Variants in COG5 observed in about 807,000 individuals in gnomAD.
The protein encoded by COG5 is conserved oligomeric Golgi complex subunit 5.
COG5 carries 86 observed loss-of-function variants against 110.4 expected under a neutral mutation model. The ratio of observed to expected loss-of-function variants is 0.78; its 90% CI spans 0.65 to 0.93. COG5 has a LOEUF of 0.93. Ranked by LOEUF, COG5 falls within the 40% of genes least tolerant of loss-of-function variation. The pLI, the probability that COG5 is intolerant of heterozygous loss-of-function variation, is 0.00. For missense variants in COG5, 1,077 were observed against 987.0 expected (o/e 1.09, Z -1.22); for synonymous variants, 360 against 334.6 (o/e 1.08, Z -0.83).
intron 7 of COG5, among the ~76,000 whole-genome samples, chr7:107,382,799 G>A (rs1214284273): frequency 5.3e-5 from 8 of 152,126 alleles, no homozygotes; most frequent in Non-Finnish European, 7.3e-5. Context: ...ATGAGGACTG[G>A]AGACAGAGAA....
At chr7:107,260,956 TG>T (rs1717903670) in intron 14 of COG5, among the ~76,000 whole-genome samples, 2 of 151,168 alleles carry the variant, frequency 1.3e-5, no homozygotes, top group African/African-American at 4.9e-5. Flanking sequence ...TTTGTTTGTT[TG>T]TTTTTGTTTT....
chr7:107,545,601 G>T (rs1447187054), intron 5 of COG5, among the ~76,000 whole-genome samples: 1 of 151,952 alleles, frequency 6.6e-6, no homozygotes, highest in East Asian at 1.9e-4. Context: ...CCAAGAAGGC[G>T]AAATGCCATC....
At chr7:107,531,643 G>A (rs1324535019) in intron 5 of COG5, among the ~76,000 whole-genome samples, 3 of 149,440 alleles carry the variant, frequency 2.0e-5, no homozygotes, top group African/African-American at 4.9e-5. Context: ...GTGAGGGCGG[G>A]GGGGAGGTGG....
At chr7:107,530,601 C>CAAA (rs953588412) in intron 5 of COG5, among the ~76,000 whole-genome samples, 1,260 of 46,934 alleles carry the variant, frequency 0.027, 87 homozygotes, top group African/African-American at 0.073. Flanking sequence ...AACTCCATCT[C>CAAA]AAAAAAAAAA....
intron 12 of COG5, among the ~76,000 whole-genome samples, chr7:107,292,568 C>G (rs6964798): frequency 0.16 from 24,433 of 152,164 alleles, 2,351 homozygotes; most frequent in Non-Finnish European, 0.22. Flanking sequence ...CAAGAGTTTT[C>G]CTTAGGCCTT....
At chr7:107,301,343 A>G (rs536649217) in intron 11 of COG5, among the ~76,000 whole-genome samples, 29 of 152,288 alleles carry the variant, frequency 1.9e-4, no homozygotes, top group Non-Finnish European at 3.8e-4. Flanking sequence ...GGGAAAATCA[A>G]TTTCACATAT....
intron 6 of COG5, among the ~76,000 whole-genome samples, chr7:107,448,738 G>A (rs1225619218): frequency 1.3e-5 from 2 of 152,132 alleles, no homozygotes; most frequent in Admixed American, 6.5e-5. Context: ...GAAATGTGCA[G>A]GTCCACATAT....
At chr7:107,355,351 T>G (rs901443776) in intron 10 of COG5, among the ~76,000 whole-genome samples, 7 of 152,130 alleles carry the variant, frequency 4.6e-5, no homozygotes. Flanking sequence ...CAAAAACAGT[T>G]TGGCAGTTTC....
At chr7:107,414,560 T>A (rs576143232) in intron 6 of COG5, among the ~76,000 whole-genome samples, 92 of 152,192 alleles carry the variant, frequency 6.0e-4, no homozygotes, top group African/African-American at 2.1e-3. Context: ...ATAGTACACA[T>A]GGCTACCGGA....
intron 18 of COG5, among the ~76,000 whole-genome samples, chr7:107,231,665 C>T (rs1040269142): frequency 6.6e-6 from 1 of 152,130 alleles, no homozygotes; most frequent in Admixed American, 6.6e-5. Context: ...CTGCTGGCCA[C>T]CCTTACAAAA....
At chr7:107,438,519 G>A (rs10245210) in intron 6 of COG5, among the ~76,000 whole-genome samples, 63,281 of 152,042 alleles carry the variant, frequency 0.42, 13,990 homozygotes, top group Non-Finnish European at 0.5. Flanking sequence ...CACTGCACAC[G>A]TTAGCAAACT....
At chr7:107,503,391 G>T (rs1168508851) in intron 6 of COG5, among the ~76,000 whole-genome samples, 1 of 152,048 alleles carries the variant, frequency 6.6e-6, no homozygotes, top group Admixed American at 6.6e-5. Flanking sequence ...TGCTGTTCTG[G>T]TAACTGTATA....
intron 6 of COG5, among the ~76,000 whole-genome samples, chr7:107,449,834 C>A (rs1199895714): frequency 6.6e-6 from 1 of 152,052 alleles, no homozygotes; most frequent in Non-Finnish European, 1.5e-5. Flanking sequence ...GCACTTTTTG[C>A]AAAATATCTT....
chr7:107,304,326 T>A (rs1229427289), intron 11 of COG5, among the ~76,000 whole-genome samples: 2 of 152,190 alleles, frequency 1.3e-5, no homozygotes, highest in Admixed American at 1.3e-4. Flanking sequence ...TCCCTAGCCC[T>A]GAACACTGTA....
intron 8 of COG5, among the ~76,000 whole-genome samples, chr7:107,367,080 T>G (rs556953474): frequency 6.3e-4 from 59 of 94,284 alleles, no homozygotes; most frequent in Non-Finnish European, 9.8e-4. Context: ...TCACCTTTTT[T>G]GTCTCCTACA....
In COG5 at chr7:107,474,626, C is replaced by G. The variant is rs763508287; in HGVS notation, c.538+52611G>C. 1 of 1,610,494 alleles carries G rather than the reference C, an allele frequency of 6.2e-7. No individual in the cohort carries two copies. The highest frequency in any genetic ancestry group is 1.1e-5 in the South Asian group (1 of 90,726). ...TTTTTCAGTCTTCAAAGTGGAAATACCTGGGAAAACAAGACACTTTTATGT... is the reference window on the plus strand; with the variant it reads ...TTTTTCAGTCTTCAAAGTGGAAATAGCTGGGAAAACAAGACACTTTTATGT... On this transcript the variant is annotated intron_variant, in intron 6 of 21. Transcript: ENST00000297135. This position sits in a 1 kb window ranked among gnomAD's most constrained non-coding sequence, Gnocchi z 5.7.
intron 12 of COG5, among the ~76,000 whole-genome samples, chr7:107,287,890 T>C (rs540646296): frequency 1.3e-5 from 2 of 152,346 alleles, no homozygotes; most frequent in South Asian, 4.1e-4. Context: ...TGTATGAATA[T>C]AGCACATTTT....
At chr7:107,506,407 G>A (rs1479787711) in intron 6 of COG5, among the ~76,000 whole-genome samples, 6 of 152,174 alleles carry the variant, frequency 3.9e-5, no homozygotes, top group Non-Finnish European at 8.8e-5. Context: ...CCAGGTGGGG[G>A]CTGGGGTCAG....
intron 5 of COG5, among the ~76,000 whole-genome samples, chr7:107,532,152 G>T (rs1801260436): frequency 6.6e-6 from 1 of 152,128 alleles, no homozygotes; most frequent in African/African-American, 2.4e-5. Context: ...CCCCTCCAGG[G>T]TTCAAGCGAT....
Sources: allele counts gnomAD v4.1 joint callset (sites outside exome capture counted in the v4.1 genomes callset), GRCh38; gene constraint gnomAD v4.1.1; non-coding constraint Gnocchi (gnomAD v3.1); transcripts MANE v1.5; gene names NCBI Gene and HGNC (gene_info 2026-07-23, HGNC 2026-07-21).